The following SCP2 variants were observed in gnomAD, a reference collection of about 807,000 sequenced individuals.
SCP2 encodes the protein sterol carrier protein 2.
In SCP2, 48 loss-of-function variants were observed where a neutral mutation model predicts 71.4. The observed-to-expected ratio is 0.67, with a 90% CI of 0.53 to 0.86. SCP2 has a LOEUF of 0.86. SCP2 is among the 40% of genes least tolerant of loss of function. The pLI, the probability that SCP2 is intolerant of heterozygous loss-of-function variation, is 0.00. For synonymous variants in SCP2, 220 were observed against 218.1 expected (o/e 1.01, Z -0.08); for missense variants, 560 against 655.6 (o/e 0.85, Z 1.59).
intron 6 of SCP2, among the ~76,000 whole-genome samples, chr1:52,966,314 T>C (rs1396158279): frequency 2.0e-5 from 3 of 151,720 alleles, no homozygotes; most frequent in Non-Finnish European, 4.4e-5. Flanking sequence ...TTTCCAGGAA[T>C]GGGTATTGAA....
At chr1:52,991,057 T>C (rs1213679768) in intron 11 of SCP2, among the ~76,000 whole-genome samples, 9 of 152,144 alleles carry the variant, frequency 5.9e-5, no homozygotes, top group Admixed American at 5.2e-4. Context: ...GAAAGTGATA[T>C]ATATGTAAGG....
intron 6 of SCP2, among the ~76,000 whole-genome samples, chr1:52,962,777 C>T (rs988540741): frequency 7.2e-5 from 11 of 152,102 alleles, no homozygotes; most frequent in Non-Finnish European, 1.5e-4. Flanking sequence ...TGCTTTCTTT[C>T]ATCACTCTCC....
rs562048678 is a variant in SCP2 at position 52,995,081 on chromosome 1, T to A, written c.1081+6945T>A. The A allele has an allele frequency of 6.7e-4, 334 of 498,806 alleles. 3 individuals carry two copies. The highest frequency in any genetic ancestry group is 5.2e-3 in the South Asian group (326 of 62,914). The allele number at this position is 498,806 out of a possible 1,614,324, so 30.9% of individuals were successfully genotyped here. A position where few individuals can be genotyped will look rare whatever the true frequency, so the allele number is the denominator to read the frequency against. ...AAGCTGGTTGATTCAGTTGTAGATG[T>A]GGTGCAGGAGGAGTAAGAGAGCTGT... is the stretch of plus-strand genomic sequence containing the variant. On this transcript the variant is annotated intron_variant, in intron 11 of 15. Coordinates refer to ENST00000371514, the MANE Select transcript of SCP2 (RefSeq NM_002979.5).
Position 52,936,192 on chromosome 1 carries a change from T to TAATG in SCP2, c.70-5603_70-5600dup, listed in dbSNP as rs1447914932. Among the ~76,000 whole-genome samples the TAATG allele has an allele frequency of 5.9e-5, 9 of 152,382 alleles. No homozygotes were observed. In the East Asian group the frequency reaches 1.5e-3, roughly 26 times the overall value. The stretch of plus-strand genomic sequence containing the variant: ...CATAGAAATTATTTATGTTAACATG[T>TAATG]AATGGATTTATTGTTTTTGATGAAT... On this transcript the variant is annotated intron_variant, in intron 1 of 15. Transcript: ENST00000371514.
chr1:52,999,145 AG>A (rs1660141204), intron 11 of SCP2, among the ~76,000 whole-genome samples: 1 of 152,218 alleles, frequency 6.6e-6, no homozygotes, highest in Admixed American at 6.5e-5. Flanking sequence ...AATAGGGATG[AG>A]GAATTATTGA....
At chr1:52,955,666 G>T (rs767806185) in intron 5 of SCP2, among the ~76,000 whole-genome samples, 3 of 152,136 alleles carry the variant, frequency 2.0e-5, no homozygotes, top group Non-Finnish European at 4.4e-5. Context: ...ATCTAAATTA[G>T]TTCCAGAATG....
chr1:53,044,532 A>G (rs184159018), intron 14 of SCP2, among the ~76,000 whole-genome samples: 37 of 152,330 alleles, frequency 2.4e-4, no homozygotes, highest in African/African-American at 8.4e-4. Flanking sequence ...AACACTGACA[A>G]GGGCTCTGCC....
intron 11 of SCP2, chr1:52,993,552 C>G (rs1343944562): frequency 6.8e-6 from 11 of 1,612,122 alleles, no homozygotes; most frequent in Non-Finnish European, 5.9e-6. Context: ...AGGAAGCCCT[C>G]GCCAGTCCTC....
At chr1:52,989,517 A>G (rs1659284176) in intron 11 of SCP2, among the ~76,000 whole-genome samples, 1 of 150,814 alleles carries the variant, frequency 6.6e-6, no homozygotes, top group African/African-American at 2.5e-5. Flanking sequence ...GGTGAAAATT[A>G]GCAGCCTAGC....
chr1:53,030,430 C>A (rs564772969), intron 13 of SCP2, among the ~76,000 whole-genome samples: 2 of 152,168 alleles, frequency 1.3e-5, no homozygotes, highest in Non-Finnish European at 2.9e-5. Flanking sequence ...GCCAAACTAC[C>A]CACCAGAAAG....
At chr1:53,001,899 T>G (rs1014092671) in intron 11 of SCP2, among the ~76,000 whole-genome samples, 2 of 152,164 alleles carry the variant, frequency 1.3e-5, no homozygotes, top group African/African-American at 4.8e-5. Flanking sequence ...ATCTTCCCTA[T>G]TTAGGCTGGG....
chr1:52,974,967 G>C (rs1407511982), intron 7 of SCP2, 135 bp downstream of exon 7: 3 of 649,032 alleles, frequency 4.6e-6, no homozygotes, highest in Non-Finnish European at 8.4e-6. Flanking sequence ...CTTACAAAAG[G>C]CTTATACGCA....
chr1:52,980,973 C>T (rs1658433697), intron 10 of SCP2, among the ~76,000 whole-genome samples: 1 of 152,014 alleles, frequency 6.6e-6, no homozygotes, highest in African/African-American at 2.4e-5. Context: ...TCTCTGTAGC[C>T]CAGGCTGGAG....
chr1:53,013,143 C>T (rs1381619833), intron 11 of SCP2, among the ~76,000 whole-genome samples: 1 of 145,084 alleles, frequency 6.9e-6, no homozygotes, highest in African/African-American at 2.6e-5. Flanking sequence ...ACAGGGTCTC[C>T]CCCTATAATC....
Position 53,050,948 on chromosome 1 carries a change from T to C in SCP2, c.*244T>C. 1 of 332,982 alleles carries C rather than the reference T, an allele frequency of 3.0e-6. No individual in the cohort carries two copies. Among genetic ancestry groups the C allele is most frequent in the Non-Finnish European group, 5.6e-6 (1 of 180,044 alleles). 20.6% of individuals were successfully genotyped at this position (332,982 alleles called of 1,614,324 possible). On this transcript the variant is annotated 3_prime_UTR_variant, in exon 16 of 16. Transcript: ENST00000371514. ...TACAAAGTTAATATGGTAATTATGG[T>C]CTGGGGTAAAATTGAGTTTCAGAAT... is the stretch of plus-strand genomic sequence containing the variant.
chr1:52,976,724 T>C lies in SCP2; in HGVS notation c.629T>C (p.Met210Thr). The C allele has an allele frequency of 1.3e-6, 2 of 1,567,632 alleles. No individual in the cohort carries two copies. Among genetic ancestry groups the C allele is most frequent in the Non-Finnish European group, 1.8e-6 (2 of 1,138,160 alleles). ...FQDEYSLDEV[M>T]ASKEVFDFLT... ...GATGAATACAGTTTAGATGAAGTGA[T>C]GGCATCTAAAGAAGTTTTTGATTTT... The change falls in exon 8 of 16, where the codon ATG becomes ACG. Residue 210 changes from methionine to threonine, a missense_variant. Coordinates refer to ENST00000371514, the MANE Select transcript of SCP2 (RefSeq NM_002979.5).
chr1:53,017,861 T>G, intron 12 of SCP2, among the ~76,000 whole-genome samples: 1 of 152,180 alleles, frequency 6.6e-6, no homozygotes, highest in East Asian at 1.9e-4. Context: ...TTCTTTTTTC[T>G]TTTCTTTTTT....
chr1:53,012,333 A>G (rs1661038722), intron 11 of SCP2, among the ~76,000 whole-genome samples: 1 of 152,256 alleles, frequency 6.6e-6, no homozygotes, highest in South Asian at 2.1e-4. Flanking sequence ...TCATATTTCT[A>G]TAGGGCTGTT....
chr1:53,026,456 T>C (rs1662137747), intron 12 of SCP2, among the ~76,000 whole-genome samples: 1 of 152,206 alleles, frequency 6.6e-6, no homozygotes, highest in Middle Eastern at 3.2e-3. Flanking sequence ...CTGTTCACTA[T>C]CATATCCCCA....
Sources: allele counts gnomAD v4.1 joint callset (sites outside exome capture counted in the v4.1 genomes callset), GRCh38; gene constraint gnomAD v4.1.1; transcripts MANE v1.5; gene names NCBI Gene and HGNC (gene_info 2026-07-23, HGNC 2026-07-21).